The following HECW1 variants were observed in gnomAD, a reference collection of about 807,000 sequenced individuals.
HECW1 encodes the protein E3 ubiquitin-protein ligase HECW1.
Under a neutral mutation model 182.3 loss-of-function variants are expected in HECW1, and 61 were observed. The ratio of observed to expected loss-of-function variants is 0.33; its 90% CI spans 0.27 to 0.41. HECW1 has a LOEUF of 0.41. Among genes scored for constraint, HECW1 ranks in the 10% least tolerant of loss-of-function variants. HECW1 has a pLI of 1.00. For synonymous variants in HECW1, 859 were observed against 832.6 expected, an observed-to-expected ratio of 1.03 and a Z score of -0.55; for missense variants, 1,739 against 2,108.9, an observed-to-expected ratio of 0.82 and a Z score of 3.44.
intron 2 of HECW1, among the ~76,000 whole-genome samples, chr7:43,166,599 A>G (rs1791147674): frequency 6.6e-6 from 1 of 152,224 alleles, no homozygotes; most frequent in Non-Finnish European, 1.5e-5. Flanking sequence ...TTTACTAAAA[A>G]GATGTTTTGT....
At chr7:43,255,671 C>T (rs1275288353) in intron 3 of HECW1, among the ~76,000 whole-genome samples, 1 of 151,644 alleles carries the variant, frequency 6.6e-6, no homozygotes, top group Admixed American at 6.6e-5. Flanking sequence ...ATATTTGTGA[C>T]GTGGCTCTTC....
intron 2 of HECW1, among the ~76,000 whole-genome samples, chr7:43,201,122 A>G (rs1794984714): frequency 6.6e-6 from 1 of 152,176 alleles, no homozygotes; most frequent in Non-Finnish European, 1.5e-5. Context: ...GACTTGCTCT[A>G]GGCTGGACTC....
chr7:43,394,374 G>C (rs1428135003), intron 6 of HECW1, among the ~76,000 whole-genome samples: 3 of 152,172 alleles, frequency 2.0e-5, no homozygotes, highest in African/African-American at 7.2e-5. Flanking sequence ...GCTAATTGTT[G>C]TCAAAATGCC....
chr7:43,290,978 C>T (rs149953387), intron 3 of HECW1, among the ~76,000 whole-genome samples: 162 of 152,348 alleles, frequency 1.1e-3, no homozygotes, highest in African/African-American at 3.6e-3. Context: ...ATGGAGAATA[C>T]TCACAGTGGT....
At chr7:43,504,041 C>T (rs1374730186) in intron 21 of HECW1, among the ~76,000 whole-genome samples, 5 of 152,142 alleles carry the variant, frequency 3.3e-5, no homozygotes, top group African/African-American at 1.2e-4. Flanking sequence ...TTTTATCACT[C>T]AGCCATATCC....
intron 7 of HECW1, among the ~76,000 whole-genome samples, chr7:43,402,605 G>C (rs1407484777): frequency 6.6e-6 from 1 of 152,132 alleles, no homozygotes; most frequent in Admixed American, 6.5e-5. Flanking sequence ...ATGTAAGCAT[G>C]TACTCCAGCA....
intron 6 of HECW1, among the ~76,000 whole-genome samples, chr7:43,373,196 T>C (rs2074184114): frequency 6.8e-6 from 1 of 146,820 alleles, no homozygotes; most frequent in South Asian, 2.2e-4. Flanking sequence ...CGTTCTGCCT[T>C]CTTCCTTTTT....
chr7:43,280,458 A>G (rs1584306997), intron 3 of HECW1, among the ~76,000 whole-genome samples: 1 of 152,234 alleles, frequency 6.6e-6, no homozygotes, highest in South Asian at 2.1e-4. Flanking sequence ...AATGACAACT[A>G]GAACCTAAGT....
At chr7:43,531,994 G>A (rs1227728904) in intron 24 of HECW1, among the ~76,000 whole-genome samples, 1 of 152,146 alleles carries the variant, frequency 6.6e-6, no homozygotes, top group African/African-American at 2.4e-5. Context: ...CCCTGTGCCC[G>A]GAGGTACTGA....
At chr7:43,417,948 A>G (rs1584838456) in intron 8 of HECW1, among the ~76,000 whole-genome samples, 1 of 152,186 alleles carries the variant, frequency 6.6e-6, no homozygotes, top group East Asian at 1.9e-4. Flanking sequence ...CTACAAAAAT[A>G]TATTGTTTCA....
At chr7:43,364,701 C>A (rs1482407269) in intron 6 of HECW1, among the ~76,000 whole-genome samples, 1 of 152,194 alleles carries the variant, frequency 6.6e-6, no homozygotes, top group Non-Finnish European at 1.5e-5. Context: ...GGGAAGGAGA[C>A]CTAGTTGTCT....
At chr7:43,462,783 T>G (rs1459487997) in intron 13 of HECW1, among the ~76,000 whole-genome samples, 1 of 152,202 alleles carries the variant, frequency 6.6e-6, no homozygotes, top group African/African-American at 2.4e-5. Context: ...GTGGCCTGCT[T>G]TTGTACATGT....
chr7:43,348,662 C>G (rs1423813090), intron 5 of HECW1, among the ~76,000 whole-genome samples: 1 of 152,118 alleles, frequency 6.6e-6, no homozygotes, highest in East Asian at 1.9e-4. Flanking sequence ...GTGAACTTTC[C>G]TCTTAGCACC....
At chr7:43,346,316 G>A (rs111416269) in intron 5 of HECW1, among the ~76,000 whole-genome samples, 2,469 of 152,036 alleles carry the variant, frequency 0.016, 75 homozygotes, top group African/African-American at 0.056. Flanking sequence ...GTCTATTCAC[G>A]TCCTTAGCCC....
chr7:43,190,665 T>G (rs1793828576), intron 2 of HECW1, among the ~76,000 whole-genome samples: 1 of 152,210 alleles, frequency 6.6e-6, no homozygotes, highest in Non-Finnish European at 1.5e-5. Flanking sequence ...AAAGGAAAGA[T>G]TGAGAAATGC....
Position 43,326,366 on chromosome 7 carries a change from A to G in HECW1, c.460+5624A>G, listed in dbSNP as rs1333490416. Among the ~76,000 whole-genome samples the G allele has an allele frequency of 8.5e-5, 13 of 152,238 alleles. No homozygotes were observed. In the East Asian group the frequency reaches 1.3e-3, roughly 16 times the overall value. ...TGCCTCCTCACTCTGGGCTTCAGCC[A>G]GTGGCTTCTAAGCCAGAGGCAGCAT... On this transcript the variant is annotated intron_variant, in intron 5 of 29. Coordinates refer to ENST00000395891, the MANE Select transcript of HECW1 (RefSeq NM_015052.5).
chr7:43,188,958 G>A (rs749463731), intron 2 of HECW1, among the ~76,000 whole-genome samples: 2 of 152,302 alleles, frequency 1.3e-5, no homozygotes, highest in Non-Finnish European at 2.9e-5. Context: ...AAGCCAATCC[G>A]TGGATTCCTA....
chr7:43,112,751 C>T lies in HECW1; in HGVS notation c.-453C>T, dbSNP rs1784718082. 4.3e-6 allele frequency: 1 copy of T among 230,852 alleles called. No individual in the cohort carries two copies. Among genetic ancestry groups the T allele is most frequent in the Admixed American group, 5.7e-5 (1 of 17,694 alleles). 14.3% of individuals were successfully genotyped at this position (230,852 alleles called of 1,614,324 possible). The stretch of plus-strand genomic sequence containing the variant: ...AGCCGCGCGCGCCCCTCCGCCGTGA[C>T]AGTGGCCGTGGCCTCCGCTCTCTCG... On this transcript the variant is annotated 5_prime_UTR_variant, in exon 1 of 30. Transcript: ENST00000395891.
At chr7:43,265,350 A>G (rs1312978473) in intron 3 of HECW1, among the ~76,000 whole-genome samples, 2 of 152,148 alleles carry the variant, frequency 1.3e-5, no homozygotes, top group East Asian at 3.9e-4. Context: ...TGGCCCTCCT[A>G]ACCACAGCGG....
Sources: gnomAD v4.1 joint callset for allele counts (sites outside exome capture counted in the v4.1 genomes callset) on GRCh38, gnomAD v4.1.1 for gene constraint, MANE v1.5 for transcripts, NCBI Gene and HGNC (gene_info 2026-07-23, HGNC 2026-07-21) for gene names.